The following SYDE2 variants were observed in gnomAD, a reference collection of about 807,000 sequenced individuals.
SYDE2 encodes the protein rho GTPase-activating protein SYDE2.
A neutral mutation model predicts 91.5 loss-of-function variants in SYDE2; 76 were observed. The ratio of observed to expected loss-of-function variants is 0.83; its 90% CI spans 0.69 to 1.01. The LOEUF (loss-of-function observed/expected upper bound fraction) is 1.01. Ranked by LOEUF, SYDE2 falls within the 50% of genes least tolerant of loss-of-function variation. SYDE2 has a pLI of 0.00. For missense variants in SYDE2, 1,364 were observed against 1,367.7 expected (o/e 1.00, Z 0.04); for synonymous variants, 513 against 506.4 (o/e 1.01, Z -0.18).
At chr1:85,192,954 A>G (rs1183073954) in intron 1 of SYDE2, among the ~76,000 whole-genome samples, 1 of 152,206 alleles carries the variant, frequency 6.6e-6, no homozygotes, top group Non-Finnish European at 1.5e-5. Flanking sequence ...GTAAGAACTA[A>G]GTGAAATAAT....
downstream of SYDE2, chr1:85,153,129 A>G (rs1656813292): frequency 6.6e-6 from 1 of 152,318 alleles, no homozygotes; most frequent in African/African-American, 2.4e-5. Flanking sequence ...GCAAGAGCAG[A>G]GAGCCTCAGA....
intron 4 of SYDE2, among the ~76,000 whole-genome samples, chr1:85,177,813 G>C (rs1230755163): frequency 1.3e-5 from 2 of 152,140 alleles, no homozygotes; most frequent in African/African-American, 2.4e-5. Context: ...TAACCAGATA[G>C]TCAATACGCT....
At chr1:85,154,217 A>G (rs561314481), downstream of SYDE2, 232 of 151,604 alleles carry the variant, frequency 1.5e-3, no homozygotes, top group African/African-American at 5.4e-3. Flanking sequence ...TATTTAATTT[A>G]TAAAATCTTA....
chr1:85,159,832 G>T (rs1346726303), intron 6 of SYDE2: 3 of 979,526 alleles, frequency 3.1e-6, no homozygotes, highest in Non-Finnish European at 2.4e-6. Context: ...ACCTGAGTTT[G>T]ATTATACAGC....
Position 85,182,836 on chromosome 1 carries a change from C to G in SYDE2, c.1806G>C (p.Gln602His). The change falls in exon 3 of 7, where the codon CAG (glutamine) becomes CAC (histidine). Residue 602 changes from glutamine (Q) to histidine (H), a missense_variant. Gln to His is a conservative substitution (Grantham distance 24, BLOSUM62 0). Transcript: ENST00000341460. ...YHLDTSVSSQ[Q>H]SYQKKNSMSS... The stretch of plus-strand genomic sequence containing the variant: ...TCATAGAGTTTTTCTTCTGGTAGCT[C>G]TGCTGGGAGGATACACTGGTATCAA... 1.2e-6 allele frequency: 2 copies of G among 1,613,850 alleles called. No homozygotes were observed. The highest frequency in any genetic ancestry group is 1.7e-6 in the Non-Finnish European group (2 of 1,179,832).
intron 1 of SYDE2, among the ~76,000 whole-genome samples, chr1:85,197,665 A>T (rs942545410): frequency 2.6e-4 from 40 of 151,984 alleles, no homozygotes; most frequent in South Asian, 8.3e-4. Context: ...TTATTTATTT[A>T]TTTTTTTGAG....
At chr1:85,165,939 T>G (rs1209784700) in intron 5 of SYDE2, among the ~76,000 whole-genome samples, 1 of 145,500 alleles carries the variant, frequency 6.9e-6, no homozygotes. Flanking sequence ...AGTAGCATGA[T>G]CACAGCTCAC....
At chr1:85,175,386 G>C (rs1173798343) in intron 4 of SYDE2, among the ~76,000 whole-genome samples, 1 of 152,174 alleles carries the variant, frequency 6.6e-6, no homozygotes, top group East Asian at 1.9e-4. Flanking sequence ...TGTAGTCCCA[G>C]CTATTCGGGA....
Position 85,164,541 on chromosome 1 carries a change from G to A in SYDE2, c.3070C>T (p.Leu1024Phe), listed in dbSNP as rs1557741285. Residue 1024 changes from leucine to phenylalanine, a missense_variant, in exon 6 of 7, where the codon CTC (leucine) becomes TTC (phenylalanine). By Grantham distance (22) the Leu-to-Phe change is conservative. Coordinates refer to ENST00000341460, the MANE Select transcript of SYDE2 (RefSeq NM_032184.2). ...AATCATTTACCTGGCCAGAGTTGGAGTAAGTAATGAAGAACTTCAATGTGT... is the reference window on the plus strand; with the variant it reads ...AATCATTTACCTGGCCAGAGTTGGAATAAGTAATGAAGAACTTCAATGTGT... The part of the protein sequence containing the change: ...KKHIEVLHYL[L>F]QLWPVQRLTV... 2.5e-6 allele frequency: 4 copies of A among 1,595,658 alleles called. No individual in the cohort carries two copies. Among genetic ancestry groups the A allele is most frequent in the East Asian group, 2.3e-5 (1 of 44,402 alleles).
chr1:85,187,738 T>C (rs1161959223), intron 2 of SYDE2, among the ~76,000 whole-genome samples: 1 of 151,684 alleles, frequency 6.6e-6, no homozygotes, highest in Non-Finnish European at 1.5e-5. Flanking sequence ...AAATTGGAAA[T>C]CATCATTCTC....
In SYDE2 at chr1:85,182,427, C is replaced by T; in HGVS notation, c.2215G>A (p.Ala739Thr). The T allele has an allele frequency of 6.2e-7, 1 of 1,613,542 alleles. No individual in the cohort carries two copies. Among genetic ancestry groups the T allele is most frequent in the Non-Finnish European group, 8.5e-7 (1 of 1,179,668 alleles). Reference protein sequence around the residue: ...DHTFNIEIENAQHLKLVVFSW... With the variant: ...DHTFNIEIENTQHLKLVVFSW... Reference sequence around the variant, plus strand: ...AATACTACTAGTTTCAAATGTTGTGCATTTTCAATTTCTATGTTGAAAGTG... The same window carrying T: ...AATACTACTAGTTTCAAATGTTGTGTATTTTCAATTTCTATGTTGAAAGTG... The change falls in exon 3 of 7, where the codon GCA becomes ACA. Residue 739 changes from alanine (A) to threonine (T), a missense_variant. Transcript: ENST00000341460.
rs752750916 is a variant in SYDE2 at position 85,182,436 on chromosome 1, T to C, written c.2206A>G (p.Ile736Val). ...LDMDHTFNIE[I>V]ENAQHLKLVV... ...AGTTTCAAATGTTGTGCATTTTCAA[T>C]TTCTATGTTGAAAGTGTGATCCATG... Residue 736 changes from isoleucine to valine, a missense_variant, in exon 3 of 7, where the codon ATT becomes GTT. By Grantham distance (29) the Ile-to-Val change is conservative (BLOSUM62 3). Coordinates refer to ENST00000341460, the MANE Select transcript of SYDE2 (RefSeq NM_032184.2). 3 of 1,613,658 alleles carry C rather than the reference T, an allele frequency of 1.9e-6. No homozygotes were observed. The African/African-American group carries it at 4.0e-5, about 21-fold the overall frequency.
Position 85,200,292 on chromosome 1 carries a change from A to T in SYDE2, c.705T>A (p.Arg235=). 1 of 1,613,982 alleles carries T rather than the reference A, an allele frequency of 6.2e-7. No homozygotes were observed. The highest frequency in any genetic ancestry group is 2.2e-5 in the East Asian group (1 of 44,878). Residue 235 remains arginine (R), a synonymous_variant, in exon 1 of 7, where the codon CGT becomes CGA. Transcript: ENST00000341460. ...TTTGGTCTGGAGGCACCGACAGGAC[A>T]CGGTTTTCACGCACTTTCAAAGCGC... ...NVGALKVREN[R]VLSVPPDQRI...
At chr1:85,163,918 T>C (rs989290201) in intron 6 of SYDE2, among the ~76,000 whole-genome samples, 1 of 152,176 alleles carries the variant, frequency 6.6e-6, no homozygotes, top group African/African-American at 2.4e-5. Flanking sequence ...TCTTTAGTTA[T>C]TGATTGAAAT....
Position 85,158,675 on chromosome 1 carries a change from G to T in SYDE2, c.*75C>A. On this transcript the variant is annotated 3_prime_UTR_variant, in exon 7 of 7. Coordinates refer to ENST00000341460, the MANE Select transcript of SYDE2 (RefSeq NM_032184.2). ...TCAAGAGTAAAAAAATGAAAACATCGCTGTGGGTGGTATAAGAAAATAAAA... is the reference window on the plus strand; with the variant it reads ...TCAAGAGTAAAAAAATGAAAACATCTCTGTGGGTGGTATAAGAAAATAAAA... 2 of 601,176 alleles carry T rather than the reference G, an allele frequency of 3.3e-6. No homozygotes were observed. Among genetic ancestry groups the T allele is most frequent in the East Asian group, 3.0e-5 (1 of 33,802 alleles). The allele number at this position is 601,176 out of a possible 1,614,324, so 37.2% of individuals were successfully genotyped here. A position where few individuals can be genotyped will look rare whatever the true frequency, so the allele number is the denominator to read the frequency against.
At chr1:85,176,061 C>T (rs1003379319) in intron 4 of SYDE2, among the ~76,000 whole-genome samples, 3 of 152,112 alleles carry the variant, frequency 2.0e-5, no homozygotes, top group African/African-American at 7.2e-5. Context: ...ACCCTTTCTT[C>T]ACTTCATATT....
At chr1:85,163,471 ATATATATAT>A (rs1657149409) in intron 6 of SYDE2, among the ~76,000 whole-genome samples, 1 of 142,168 alleles carries the variant, frequency 7.0e-6, no homozygotes, top group African/African-American at 2.6e-5. Flanking sequence ...ATATATATAT[ATATATATAT>A]AACAAAAGAG....
chr1:85,185,741 G>T (rs1168358160), intron 2 of SYDE2, among the ~76,000 whole-genome samples: 1 of 151,698 alleles, frequency 6.6e-6, no homozygotes, highest in Non-Finnish European at 1.5e-5. Context: ...CATGTCGTCT[G>T]CAAACAGGGA....
At chr1:85,160,792 T>C in intron 6 of SYDE2, 1 of 985,432 alleles carries the variant, frequency 1.0e-6, no homozygotes, top group Middle Eastern at 5.2e-4. Flanking sequence ...TTTTGCTTTA[T>C]GTCTTAAAAT....
Sources: allele counts gnomAD v4.1 joint callset (sites outside exome capture counted in the v4.1 genomes callset), GRCh38; gene constraint gnomAD v4.1.1; transcripts MANE v1.5; gene names NCBI Gene and HGNC (gene_info 2026-07-23, HGNC 2026-07-21).